Variants in HLCS observed in about 807,000 individuals in gnomAD.
HLCS encodes the protein biotin--protein ligase.
Under a neutral mutation model 75.0 loss-of-function variants are expected in HLCS, and 53 were observed. That is an observed-to-expected ratio of 0.71 (90% CI 0.57 to 0.89). The LOEUF (loss-of-function observed/expected upper bound fraction) is 0.89. Ranked by LOEUF, HLCS falls within the 40% of genes least tolerant of loss-of-function variation. The pLI, the probability that HLCS is intolerant of heterozygous loss-of-function variation, is 0.00. For missense variants in HLCS, 966 were observed against 1,074.0 expected, an observed-to-expected ratio of 0.90 and a Z score of 1.41; for synonymous variants, 431 against 428.6, an observed-to-expected ratio of 1.01 and a Z score of -0.07.
intron 1 of HLCS, among the ~76,000 whole-genome samples, chr21:36,989,175 G>A (rs993664981): frequency 6.6e-6 from 1 of 150,912 alleles, no homozygotes; most frequent in Admixed American, 6.6e-5. Context: ...TAGCTGAAAC[G>A]AACTTTTCTT....
Position 36,751,546 on chromosome 21 carries a change from G to C in HLCS, c.*2700C>G, listed in dbSNP as rs140135359. On this transcript the variant is annotated 3_prime_UTR_variant, in exon 11 of 11. Coordinates refer to ENST00000674895, the MANE Select transcript of HLCS (RefSeq NM_001352514.2). The stretch of plus-strand genomic sequence containing the variant: ...TGCGCTCTGTGGCCTGTGCTCCCCC[G>C]ACCTGTGCACCCGCACCCCAGTCGG... 2 of 152,336 alleles carry C rather than the reference G, an allele frequency of 1.3e-5. 1 individual carries two copies. Among genetic ancestry groups the C allele is most frequent in the South Asian group, 4.1e-4 (2 of 4,840 alleles). The allele number at this position is 152,336 out of a possible 1,614,324, so 9.4% of individuals were successfully genotyped here. A position where few individuals can be genotyped will look rare whatever the true frequency, so the allele number is the denominator to read the frequency against.
chr21:36,819,117 C>T (rs2061750244), intron 6 of HLCS, among the ~76,000 whole-genome samples: 1 of 152,178 alleles, frequency 6.6e-6, no homozygotes, highest in Non-Finnish European at 1.5e-5. Context: ...AAGACAGAAG[C>T]ACACCTAGAA....
rs61402052 is a variant in HLCS at position 36,913,155 on chromosome 21, G to A, written c.1621-16024C>T. ...AAATGGGACCCCAGACAGCATTAAC[G>A]ACTGCCCAAACCACACAGGCAGTAT... On this transcript the variant is annotated intron_variant, in intron 5 of 10. Coordinates refer to ENST00000674895, the MANE Select transcript of HLCS (RefSeq NM_001352514.2). 9.7e-3 allele frequency among the ~76,000 whole-genome samples: 1,470 copies of A among 152,146 alleles called. 23 individuals are homozygous for A. Among genetic ancestry groups the A allele is most frequent in the African/African-American group, 0.034 (1,417 of 41,476 alleles).
chr21:36,787,893 G>A (rs576032353), intron 6 of HLCS, among the ~76,000 whole-genome samples: 3 of 152,288 alleles, frequency 2.0e-5, no homozygotes, highest in East Asian at 1.9e-4. Flanking sequence ...CACCTGTGCC[G>A]ATGACCAGAC....
chr21:36,982,296 A>G (rs536262324), intron 1 of HLCS, among the ~76,000 whole-genome samples: 1 of 152,278 alleles, frequency 6.6e-6, no homozygotes, highest in African/African-American at 2.4e-5. Context: ...TCTAACAAAT[A>G]ATATTGTTCT....
chr21:36,918,396 A>C (rs891937118), intron 5 of HLCS, among the ~76,000 whole-genome samples: 2 of 152,240 alleles, frequency 1.3e-5, no homozygotes, highest in Non-Finnish European at 2.9e-5. Context: ...AAAGGCAGAG[A>C]GGGTAAGAAG....
At chr21:36,837,320 C>T (rs1601456239) in intron 6 of HLCS, among the ~76,000 whole-genome samples, 1 of 152,216 alleles carries the variant, frequency 6.6e-6, no homozygotes, top group Non-Finnish European at 1.5e-5. Flanking sequence ...ATATGCTATA[C>T]TGTAAAGTTT....
intron 2 of HLCS, chr21:36,946,004 C>G: frequency 4.4e-6 from 2 of 458,120 alleles, no homozygotes; most frequent in Non-Finnish European, 5.7e-6. Context: ...GATAAGAGCA[C>G]CTACCTTGGA....
At chr21:36,939,780 G>A (rs1171199936) in intron 2 of HLCS, among the ~76,000 whole-genome samples, 3 of 152,208 alleles carry the variant, frequency 2.0e-5, no homozygotes, top group Non-Finnish European at 4.4e-5. Flanking sequence ...CGGCGCTGCA[G>A]TCAGGGGTCT....
intron 6 of HLCS, among the ~76,000 whole-genome samples, chr21:36,872,339 C>T (rs982487502): frequency 2.7e-5 from 4 of 150,074 alleles, no homozygotes; most frequent in East Asian, 3.9e-4. Flanking sequence ...TGCAGTGAGC[C>T]GAGATCGCAC....
chr21:36,872,346 G>A (rs537006901), intron 6 of HLCS, among the ~76,000 whole-genome samples: 5 of 149,470 alleles, frequency 3.3e-5, no homozygotes, highest in South Asian at 2.1e-4. Context: ...AGCCGAGATC[G>A]CACCAGTGCA....
chr21:36,928,831 A>C (rs980875429), intron 5 of HLCS, among the ~76,000 whole-genome samples: 1 of 152,216 alleles, frequency 6.6e-6, no homozygotes, highest in Admixed American at 6.5e-5. Context: ...GTATGTGTAT[A>C]CAGAGCAAAT....
intron 6 of HLCS, among the ~76,000 whole-genome samples, chr21:36,875,833 A>G (rs1433647920): frequency 6.6e-6 from 1 of 151,930 alleles, no homozygotes; most frequent in Admixed American, 6.6e-5. Flanking sequence ...GCAGGTGATG[A>G]GGAGAGAAGA....
At chr21:36,980,025 T>A (rs374006467) in intron 1 of HLCS, among the ~76,000 whole-genome samples, 1 of 12,814 alleles carries the variant, frequency 7.8e-5, no homozygotes, top group African/African-American at 2.7e-4. Context: ...AGTCCCCATC[T>A]CAAAAAAAAA....
chr21:36,965,731 A>AT (rs35275580), intron 1 of HLCS, among the ~76,000 whole-genome samples: 72,589 of 141,752 alleles, frequency 0.51, 18,579 homozygotes, highest in East Asian at 0.73. Context: ...TTTGTTTGGG[A>AT]TTTTTTTTTT....
In HLCS at chr21:36,874,768, C is replaced by T. The variant is rs1158132287; in HGVS notation, c.1892+22092G>A. The stretch of plus-strand genomic sequence containing the variant: ...ACACAGGCCAGGAATGGGCGGGAGC[C>T]CTGCCCCCTACCAAGTCGGCTGGGC... On this transcript the variant is annotated intron_variant, in intron 6 of 10. Coordinates refer to ENST00000674895, the MANE Select transcript of HLCS (RefSeq NM_001352514.2). Among the ~76,000 whole-genome samples the T allele has an allele frequency of 2.0e-5, 3 of 152,148 alleles. No homozygotes were observed. In the East Asian group the frequency reaches 5.8e-4, roughly 29 times the overall value.
chr21:36,934,935 G>T (rs1275266390), intron 4 of HLCS, among the ~76,000 whole-genome samples: 1 of 152,204 alleles, frequency 6.6e-6, no homozygotes, highest in Non-Finnish European at 1.5e-5. Context: ...AATCTGATTT[G>T]TGAAGCTGCA....
chr21:36,969,353 C>G (rs1014792887), upstream of HLCS, among the ~76,000 whole-genome samples: 18 of 152,104 alleles, frequency 1.2e-4, no homozygotes, highest in Admixed American at 9.2e-4. Flanking sequence ...GTCCTTAGAG[C>G]AGCAGCAGCA....
intron 6 of HLCS, among the ~76,000 whole-genome samples, chr21:36,793,552 G>A (rs1237359500): frequency 1.3e-5 from 2 of 151,870 alleles, no homozygotes; most frequent in Admixed American, 6.6e-5. Context: ...CACCCGCCTC[G>A]GCCTCCCAAA....
Sources: allele counts gnomAD v4.1 joint callset (sites outside exome capture counted in the v4.1 genomes callset), GRCh38; gene constraint gnomAD v4.1.1; transcripts MANE v1.5; gene names NCBI Gene and HGNC (gene_info 2026-07-23, HGNC 2026-07-21).